Variants in NFIA observed in about 807,000 individuals in gnomAD.
NFIA encodes the protein nuclear factor I A, also known as nuclear factor 1 A-type.
A neutral mutation model predicts 62.8 loss-of-function variants in NFIA; 8 were observed. The observed-to-expected ratio is 0.13, with a 90% CI of 0.07 to 0.23. The LOEUF (loss-of-function observed/expected upper bound fraction) is 0.23. Among genes scored for constraint, NFIA ranks in the 10% least tolerant of loss-of-function variants. The probability of loss-of-function intolerance (pLI) is 1.00; values close to 1 mark genes in which losing one functional copy is unlikely to be tolerated. For synonymous variants in NFIA, 235 were observed against 238.1 expected (o/e 0.99, Z 0.12); for missense variants, 410 against 642.1 (o/e 0.64, Z 3.91).
At chr1:61,315,518 G>T (rs982428471) in intron 3 of NFIA, among the ~76,000 whole-genome samples, 1 of 152,194 alleles carries the variant, frequency 6.6e-6, no homozygotes, top group African/African-American at 2.4e-5. Context: ...TAATCGCAAA[G>T]CAGAAGGACT....
chr1:61,203,240 A>AGT (rs1652632243), intron 2 of NFIA, among the ~76,000 whole-genome samples: 1 of 152,174 alleles, frequency 6.6e-6, no homozygotes, highest in African/African-American at 2.4e-5. Context: ...GAGTGTAAGC[A>AGT]GTGGGATAGA....
intron 2 of NFIA, among the ~76,000 whole-genome samples, chr1:61,276,709 T>G (rs1397213388): frequency 6.6e-6 from 1 of 152,172 alleles, no homozygotes; most frequent in African/African-American, 2.4e-5. Context: ...TGATCTAAGT[T>G]AATTTTATCT....
At chr1:61,264,653 CAAAAA>C (rs1165980251) in intron 2 of NFIA, among the ~76,000 whole-genome samples, 3 of 60,742 alleles carry the variant, frequency 4.9e-5, no homozygotes, top group Admixed American at 2.7e-4. Context: ...CTCCACCTTA[CAAAAA>C]AAAAAAAAAA....
chr1:61,246,947 C>T (rs1655684965), intron 2 of NFIA, among the ~76,000 whole-genome samples: 2 of 152,158 alleles, frequency 1.3e-5, no homozygotes. Flanking sequence ...GAACTCATTC[C>T]CTTTACCTGT....
Position 61,406,543 on chromosome 1 carries a change from G to GGGC in NFIA, c.1255-19_1255-18insGGC. Reference sequence around the variant, plus strand: ...TCTTTTTCTTGTACGTGTGTTTTCTGCCCCCCCCCCCCCCACAGCCCAATG... The same window carrying GGGC: ...TCTTTTTCTTGTACGTGTGTTTTCTGGGCCCCCCCCCCCCCCCACAGCCCAATG... On this transcript the variant is annotated intron_variant, in intron 8 of 10. Transcript: ENST00000403491. The GGGC allele has an allele frequency of 4.6e-6, 4 of 876,652 alleles. No individual in the cohort carries two copies. The highest frequency in any genetic ancestry group is 6.1e-6 in the Non-Finnish European group (4 of 653,742). The allele number at this position is 876,652 out of a possible 1,614,324, so 54.3% of individuals were successfully genotyped here. A position where few individuals can be genotyped will look rare whatever the true frequency, so the allele number is the denominator to read the frequency against.
chr1:61,226,891 C>T (rs1258279457), intron 2 of NFIA, among the ~76,000 whole-genome samples: 1 of 152,218 alleles, frequency 6.6e-6, no homozygotes, highest in Non-Finnish European at 1.5e-5. Context: ...TCCGACCAGC[C>T]AGCTTTAACC....
chr1:61,145,092 T>C (rs749536902), intron 2 of NFIA, among the ~76,000 whole-genome samples: 23 of 152,198 alleles, frequency 1.5e-4, no homozygotes, highest in Non-Finnish European at 1.5e-5. Context: ...AATCTGCTTG[T>C]AGATATTTTA....
At chr1:61,328,496 A>G (rs1661088734) in intron 3 of NFIA, among the ~76,000 whole-genome samples, 1 of 151,890 alleles carries the variant, frequency 6.6e-6, no homozygotes, top group Non-Finnish European at 1.5e-5. Context: ...ATCTCGGCTC[A>G]CCACAACCTA....
chr1:61,290,082 CTT>C (rs1658777575), intron 3 of NFIA, among the ~76,000 whole-genome samples: 2 of 143,402 alleles, frequency 1.4e-5, no homozygotes, highest in South Asian at 4.5e-4. Flanking sequence ...TTTATGAACA[CTT>C]TGTTCTTTTT....
intron 4 of NFIA, among the ~76,000 whole-genome samples, chr1:61,347,790 A>G (rs80297086): frequency 1.4e-4 from 21 of 152,294 alleles, no homozygotes; most frequent in African/African-American, 4.6e-4. Context: ...GTATCTTTTT[A>G]TCATTTCAAG....
intron 3 of NFIA, among the ~76,000 whole-genome samples, chr1:61,281,237 C>CA (rs113416259): frequency 0.038 from 5,084 of 132,868 alleles, 127 homozygotes; most frequent in African/African-American, 0.071. Flanking sequence ...GACTCCATCT[C>CA]AAAAAAAAAA....
At chr1:61,453,068 A>G (rs1668132276) in intron 10 of NFIA, among the ~76,000 whole-genome samples, 1 of 152,222 alleles carries the variant, frequency 6.6e-6, no homozygotes, top group African/African-American at 2.4e-5. Flanking sequence ...CAAGTGCCAG[A>G]GAAAGACAGA....
chr1:61,110,435 T>C (rs1259014541), intron 2 of NFIA, among the ~76,000 whole-genome samples: 2 of 151,998 alleles, frequency 1.3e-5, no homozygotes, highest in South Asian at 2.1e-4. Context: ...TTAAAAAATA[T>C]GCAGTATCTG....
chr1:61,318,798 A>G (rs1453248249), intron 3 of NFIA, among the ~76,000 whole-genome samples: 1 of 152,156 alleles, frequency 6.6e-6, no homozygotes, highest in African/African-American at 2.4e-5. Flanking sequence ...TTTATTGTTC[A>G]GCCAGGTTGG....
chr1:61,333,054 CACACACACACACAT>C lies in NFIA; in HGVS notation c.700+482_700+495del, dbSNP rs1222792239. Among the ~76,000 whole-genome samples the C allele has an allele frequency of 7.0e-4, 104 of 148,806 alleles. 2 individuals carry two copies. In the East Asian group the frequency reaches 0.013, roughly 19 times the overall value. On this transcript the variant is annotated intron_variant, in intron 4 of 10. Coordinates refer to ENST00000403491, the MANE Select transcript of NFIA (RefSeq NM_001134673.4). ...ACATAATCTAGCATGCACGCACACA[CACACACACACACAT>C]ACACACACACACACACACACACATA... is the stretch of plus-strand genomic sequence containing the variant.
At chr1:61,391,487 C>CACACACACACAG (rs1553181317) in intron 7 of NFIA, among the ~76,000 whole-genome samples, 3 of 136,512 alleles carry the variant, frequency 2.2e-5, no homozygotes, top group Non-Finnish European at 1.6e-5. Context: ...CACACACACA[C>CACACACACACAG]AGGCAGTTTA....
At chr1:61,200,533 C>G (rs954407801) in intron 2 of NFIA, among the ~76,000 whole-genome samples, 1 of 152,084 alleles carries the variant, frequency 6.6e-6, no homozygotes, top group Non-Finnish European at 1.5e-5. Context: ...TTTGATCTGC[C>G]AGTCAACAAT....
At chr1:61,084,955 G>T (rs1486092432) in intron 1 of NFIA, among the ~76,000 whole-genome samples, 1 of 151,308 alleles carries the variant, frequency 6.6e-6, no homozygotes, top group East Asian at 1.9e-4. Flanking sequence ...CTTATTTAGT[G>T]TAACAGTTTG....
rs565432453 is a variant in NFIA, at chr1:61,461,493, T to G, written c.*6173T>G. On this transcript the variant is annotated 3_prime_UTR_variant, in exon 11 of 11. Transcript: ENST00000403491. ...CAAATTAAATAAATTTCATCTCATTTTTTTCCCTAAACCAGCACCCATCTG... is the reference window on the plus strand; with the variant it reads ...CAAATTAAATAAATTTCATCTCATTGTTTTCCCTAAACCAGCACCCATCTG... The G allele has an allele frequency of 1.4e-4, 21 of 152,274 alleles. No individual in the cohort carries two copies. Among genetic ancestry groups the G allele is most frequent in the African/African-American group, 4.8e-4 (20 of 41,558 alleles). The allele number at this position is 152,274 out of a possible 1,614,324, so 9.4% of individuals were successfully genotyped here.
Sources: allele counts gnomAD v4.1 joint callset (sites outside exome capture counted in the v4.1 genomes callset), GRCh38; gene constraint gnomAD v4.1.1; transcripts MANE v1.5; gene names NCBI Gene and HGNC (gene_info 2026-07-23, HGNC 2026-07-21).